The following DPH5 variants were observed in gnomAD, a reference collection of about 807,000 sequenced individuals.
The protein encoded by DPH5 is diphthamide biosynthesis 5.
DPH5 carries 31 observed loss-of-function variants against 31.6 expected under a neutral mutation model. That is an observed-to-expected ratio of 0.98 (90% CI 0.74 to 1.32). DPH5 has a LOEUF of 1.32. Ranked by LOEUF, DPH5 falls within the 40% of genes most tolerant of loss-of-function variation. The pLI is 0.00. For missense variants in DPH5, 309 were observed against 335.7 expected, an observed-to-expected ratio of 0.92 and a Z score of 0.62; for synonymous variants, 120 against 115.0, an observed-to-expected ratio of 1.04 and a Z score of -0.28.
chr1:100,991,513 T>TG (rs1181829102), intron 7 of DPH5, among the ~76,000 whole-genome samples: 2 of 152,128 alleles, frequency 1.3e-5, no homozygotes, highest in African/African-American at 4.8e-5. Flanking sequence ...CTTGACTGGG[T>TG]GCGGTGACTC....
At position 101,018,003 on chromosome 1, in the gene DPH5, AT is replaced by A. The variant is rs565163137; in HGVS notation, c.260+3637del. ...AAGTTTATTTAAAATGAGTAGACAC[AT>A]ACATATACACACAAACAAATTTACT... On this transcript the variant is annotated intron_variant, in intron 3 of 7. Transcript: ENST00000370109. Among the ~76,000 whole-genome samples the A allele has an allele frequency of 1.5e-4, 23 of 152,334 alleles. 1 individual carries two copies. In the South Asian group the frequency reaches 4.8e-3, roughly 32 times the overall value.
intron 3 of DPH5, among the ~76,000 whole-genome samples, chr1:101,016,594 C>T (rs182386649): frequency 1.8e-4 from 27 of 151,538 alleles, no homozygotes; most frequent in Middle Eastern, 3.4e-3. Context: ...TACAGGCACC[C>T]GCCACCACGC....
chr1:100,990,986 A>C (rs909164817), intron 7 of DPH5, among the ~76,000 whole-genome samples: 1 of 152,230 alleles, frequency 6.6e-6, no homozygotes, highest in Non-Finnish European at 1.5e-5. Flanking sequence ...AACTTGCTTG[A>C]GATAATGTTC....
chr1:101,009,882 A>T (rs1659504874), intron 4 of DPH5, among the ~76,000 whole-genome samples: 1 of 152,200 alleles, frequency 6.6e-6, no homozygotes, highest in African/African-American at 2.4e-5. Flanking sequence ...TTCCTTTAAC[A>T]AGCCAAGCTC....
chr1:101,003,472 C>T (rs1659015296), intron 4 of DPH5, among the ~76,000 whole-genome samples: 1 of 152,176 alleles, frequency 6.6e-6, no homozygotes, highest in South Asian at 2.1e-4. Flanking sequence ...CAGAGAAAGG[C>T]TCTGCAGTCA....
intron 4 of DPH5, among the ~76,000 whole-genome samples, chr1:101,011,266 T>C (rs2101235382): frequency 6.6e-6 from 1 of 152,316 alleles, no homozygotes; most frequent in South Asian, 2.1e-4. Flanking sequence ...AACAATTACC[T>C]CTTCTGATAT....
chr1:100,992,952 C>A (rs1022135609), intron 6 of DPH5, among the ~76,000 whole-genome samples: 32 of 152,294 alleles, frequency 2.1e-4, no homozygotes, highest in Admixed American at 3.9e-4. Flanking sequence ...TTCCTCTGAT[C>A]TCACTGAAAT....
intron 3 of DPH5, among the ~76,000 whole-genome samples, chr1:101,014,094 T>C (rs1659893106): frequency 6.6e-6 from 1 of 152,162 alleles, no homozygotes; most frequent in African/African-American, 2.4e-5. Flanking sequence ...GTCCTGTAAA[T>C]ACGTGAAAAA....
chr1:101,021,853 CA>C, intron 2 of DPH5, 88 bp from the exon 3 acceptor site: 3 of 1,296,190 alleles, frequency 2.3e-6, no homozygotes, highest in African/African-American at 1.5e-5. Flanking sequence ...CACACACACA[CA>C]CACACTCTTT....
At chr1:101,005,708 A>C (rs564440503) in intron 4 of DPH5, among the ~76,000 whole-genome samples, 6 of 152,334 alleles carry the variant, frequency 3.9e-5, no homozygotes, top group Admixed American at 3.3e-4. Context: ...AAGAAATTCA[A>C]CTCAGCAAGT....
chr1:101,018,014 C>G (rs1015679427), intron 3 of DPH5, among the ~76,000 whole-genome samples: 1 of 152,118 alleles, frequency 6.6e-6, no homozygotes, highest in Non-Finnish European at 1.5e-5. Context: ...TACATATACA[C>G]ACAAACAAAT....
intron 5 of DPH5, among the ~76,000 whole-genome samples, chr1:100,996,498 CCT>C (rs147197874): frequency 3.3e-5 from 5 of 152,130 alleles, no homozygotes; most frequent in Admixed American, 3.3e-4. Context: ...CATAATTATT[CCT>C]CTCTATTTCT....
intron 5 of DPH5, among the ~76,000 whole-genome samples, chr1:100,999,820 C>T (rs1224340501): frequency 6.6e-6 from 1 of 151,494 alleles, no homozygotes; most frequent in African/African-American, 2.4e-5. Context: ...GCCTGGGCAA[C>T]AAGAGCAAGG....
At chr1:100,997,397 G>A (rs377188912) in intron 5 of DPH5, among the ~76,000 whole-genome samples, 34 of 151,508 alleles carry the variant, frequency 2.2e-4, no homozygotes, top group African/African-American at 8.0e-4. Flanking sequence ...AAGGAGTCTC[G>A]CTCTGTGGTC....
At chr1:101,009,737 G>A (rs1659497429) in intron 4 of DPH5, among the ~76,000 whole-genome samples, 1 of 152,124 alleles carries the variant, frequency 6.6e-6, no homozygotes, top group Non-Finnish European at 1.5e-5. Context: ...ACCCTTCAAT[G>A]TCAATTTATG....
intron 4 of DPH5, among the ~76,000 whole-genome samples, chr1:101,009,163 C>G (rs771172295): frequency 3.3e-5 from 5 of 152,156 alleles, no homozygotes; most frequent in Non-Finnish European, 7.3e-5. Context: ...ACATCCATAC[C>G]CTCAAGAGTC....
chr1:101,017,821 T>TA (rs1255277799), intron 3 of DPH5, among the ~76,000 whole-genome samples: 1 of 152,232 alleles, frequency 6.6e-6, no homozygotes, highest in Non-Finnish European at 1.5e-5. Context: ...AATAAGCTTT[T>TA]AAAAAATAAC....
At chr1:101,024,854 G>A (rs1660714864) in intron 2 of DPH5, 1 of 158,810 alleles carries the variant, frequency 6.3e-6, no homozygotes. Context: ...TTTAAGATAA[G>A]ATCTCTCTGG....
Position 101,012,709 on chromosome 1 carries a change from C to T in DPH5, c.369+1001G>A, listed in dbSNP as rs552993892. On this transcript the variant is annotated intron_variant, in intron 4 of 7. Transcript: ENST00000370109. The stretch of plus-strand genomic sequence containing the variant: ...TAGCAAAATTCCATGCTAATTTAAA[C>T]ATAACAACTAAGAGCAAGTGGTGAA... Among the ~76,000 whole-genome samples the T allele has an allele frequency of 4.6e-5, 7 of 152,294 alleles. No individual in the cohort carries two copies. The South Asian group carries it at 8.3e-4, about 18-fold the overall frequency.
Sources: gnomAD v4.1 joint callset for allele counts (sites outside exome capture counted in the v4.1 genomes callset) on GRCh38, gnomAD v4.1.1 for gene constraint, MANE v1.5 for transcripts, NCBI Gene and HGNC (gene_info 2026-07-23, HGNC 2026-07-21) for gene names.